Variants in ZNF804A observed in about 807,000 individuals in gnomAD.
ZNF804A encodes zinc finger protein 804A.
In ZNF804A, 2 loss-of-function variants were observed where a neutral mutation model predicts 16.5. That is an observed-to-expected ratio of 0.12 (90% CI 0.05 to 0.38). The LOEUF is 0.38. ZNF804A is among the 10% of genes least tolerant of loss of function. The pLI, the probability that ZNF804A is intolerant of heterozygous loss-of-function variation, is 0.99. For synonymous variants in ZNF804A, 534 were observed against 489.6 expected, an observed-to-expected ratio of 1.09 and a Z score of -1.20; for missense variants, 1,473 against 1,390.7, an observed-to-expected ratio of 1.06 and a Z score of -0.94.
At chr2:184,811,851 T>G (rs1574223723) in intron 1 of ZNF804A, among the ~76,000 whole-genome samples, 1 of 152,202 alleles carries the variant, frequency 6.6e-6, no homozygotes, top group Admixed American at 6.5e-5. Flanking sequence ...CAGTCAAACA[T>G]CATTTTAGGA....
intron 1 of ZNF804A, among the ~76,000 whole-genome samples, chr2:184,716,555 A>C (rs2105739757): frequency 6.6e-6 from 1 of 152,248 alleles, no homozygotes; most frequent in South Asian, 2.1e-4. Flanking sequence ...CACGATTTCT[A>C]GGCTTGTGGG....
At chr2:184,844,223 T>G (rs922047191) in intron 1 of ZNF804A, among the ~76,000 whole-genome samples, 2 of 151,660 alleles carry the variant, frequency 1.3e-5, no homozygotes, top group African/African-American at 4.8e-5. Flanking sequence ...CATTTATACA[T>G]ATGATATAAT....
At chr2:184,919,259 A>G (rs1022834842) in intron 2 of ZNF804A, among the ~76,000 whole-genome samples, 6 of 152,150 alleles carry the variant, frequency 3.9e-5, no homozygotes, top group Non-Finnish European at 7.4e-5. Flanking sequence ...AAGCCATCCA[A>G]TGTACTCAAC....
intron 2 of ZNF804A, among the ~76,000 whole-genome samples, chr2:184,919,874 G>C (rs774243380): frequency 1.3e-5 from 2 of 152,140 alleles, no homozygotes; most frequent in Non-Finnish European, 2.9e-5. Context: ...CCAGCACTTC[G>C]GGAGGCTGAG....
intron 1 of ZNF804A, among the ~76,000 whole-genome samples, chr2:184,640,712 A>G (rs890506268): frequency 2.0e-5 from 3 of 152,192 alleles, no homozygotes; most frequent in Non-Finnish European, 4.4e-5. Flanking sequence ...TATTCATTAT[A>G]TTAGAATAAA....
intron 1 of ZNF804A, among the ~76,000 whole-genome samples, chr2:184,778,166 G>T (rs1481151195): frequency 6.6e-6 from 1 of 151,366 alleles, no homozygotes; most frequent in Non-Finnish European, 1.5e-5. Context: ...TTCTTGCTTT[G>T]CTTTCCATTA....
At chr2:184,683,544 T>A (rs1012952404) in intron 1 of ZNF804A, among the ~76,000 whole-genome samples, 1 of 152,178 alleles carries the variant, frequency 6.6e-6, no homozygotes, top group South Asian at 2.1e-4. Flanking sequence ...GCCCCAAAGA[T>A]TGATTTTTCA....
chr2:184,676,901 TA>T (rs1322727851), intron 1 of ZNF804A, among the ~76,000 whole-genome samples: 3 of 151,752 alleles, frequency 2.0e-5, no homozygotes, highest in Admixed American at 6.6e-5. Context: ...AATATAAATG[TA>T]AATAGGTTCA....
intron 1 of ZNF804A, among the ~76,000 whole-genome samples, chr2:184,865,526 T>G (rs1159032068): frequency 6.6e-6 from 1 of 152,056 alleles, no homozygotes; most frequent in African/African-American, 2.4e-5. Flanking sequence ...TTGCCATTAT[T>G]TGTGACACTT....
chr2:184,821,449 A>G (rs914143918), intron 1 of ZNF804A, among the ~76,000 whole-genome samples: 1 of 152,106 alleles, frequency 6.6e-6, no homozygotes, highest in Non-Finnish European at 1.5e-5. Flanking sequence ...AAAACTCCAA[A>G]CCATAAAAAC....
At chr2:184,776,833 A>G (rs1002204522) in intron 1 of ZNF804A, among the ~76,000 whole-genome samples, 1 of 151,536 alleles carries the variant, frequency 6.6e-6, no homozygotes, top group Non-Finnish European at 1.5e-5. Context: ...ACTGGTTTGA[A>G]CATCTCACTG....
chr2:184,817,904 C>A (rs1041160717), intron 1 of ZNF804A, among the ~76,000 whole-genome samples: 1 of 151,872 alleles, frequency 6.6e-6, no homozygotes, highest in African/African-American at 2.4e-5. Context: ...AAATAAGGGA[C>A]TATGTAAAAT....
chr2:184,785,089 A>G (rs1368084563), intron 1 of ZNF804A, among the ~76,000 whole-genome samples: 3 of 152,100 alleles, frequency 2.0e-5, no homozygotes, highest in Non-Finnish European at 4.4e-5. Context: ...TCCATGTGGC[A>G]TTGAGCTAGT....
intron 1 of ZNF804A, among the ~76,000 whole-genome samples, chr2:184,693,929 C>CTTTTTT (rs34131171): frequency 8.2e-6 from 1 of 121,224 alleles, no homozygotes; most frequent in African/African-American, 3.1e-5. Context: ...CTAACTTAGT[C>CTTTTTT]TTTTTTTTTT....
At chr2:184,877,079 A>G (rs1273989311) in intron 2 of ZNF804A, among the ~76,000 whole-genome samples, 1 of 152,058 alleles carries the variant, frequency 6.6e-6, no homozygotes, top group East Asian at 1.9e-4. Context: ...TATTTTAATA[A>G]CCATTTATTA....
In ZNF804A at chr2:184,938,145, T is replaced by G; in HGVS notation, c.2749T>G (p.Ser917Ala). ...LSDVSNDPTT[S>A]VCVASAPTKE... Reference sequence around the variant, plus strand: ...AGATGTTTCCAATGATCCCACCACATCTGTCTGTGTAGCTAGTGCCCCAAC... The same window carrying G: ...AGATGTTTCCAATGATCCCACCACAGCTGTCTGTGTAGCTAGTGCCCCAAC... The change falls in exon 4 of 4, where the codon TCT (serine) becomes GCT (alanine). Residue 917 changes from serine to alanine, a missense_variant. Ser to Ala is a moderately conservative substitution (Grantham distance 99). Coordinates refer to ENST00000302277, the MANE Select transcript of ZNF804A (RefSeq NM_194250.2). The G allele has an allele frequency of 6.2e-7, 1 of 1,614,146 alleles. No homozygotes were observed. Among genetic ancestry groups the G allele is most frequent in the Non-Finnish European group, 8.5e-7 (1 of 1,180,030 alleles).
intron 2 of ZNF804A, among the ~76,000 whole-genome samples, chr2:184,867,854 T>C (rs2105811962): frequency 6.6e-6 from 1 of 152,244 alleles, no homozygotes; most frequent in Admixed American, 6.5e-5. Context: ...ATTTTTCCTA[T>C]GTATCTAAAA....
rs550068480 is a variant in ZNF804A, at chr2:184,790,948, G to T, written c.112-75421G>T. On this transcript the variant is annotated intron_variant, in intron 1 of 3. Coordinates refer to ENST00000302277, the MANE Select transcript of ZNF804A (RefSeq NM_194250.2). Reference sequence around the variant, plus strand: ...AATGCCCTTCTTTGTCTTTTTCTCCGTGTTGTTGATATAAAGTCTGTTTTA... The same window carrying T: ...AATGCCCTTCTTTGTCTTTTTCTCCTTGTTGTTGATATAAAGTCTGTTTTA... Among the ~76,000 whole-genome samples the T allele has an allele frequency of 2.6e-5, 4 of 152,112 alleles. No homozygotes were observed. In the South Asian group the frequency reaches 6.2e-4, roughly 24 times the overall value.
At chr2:184,634,475 A>T (rs1691663413) in intron 1 of ZNF804A, among the ~76,000 whole-genome samples, 1 of 152,068 alleles carries the variant, frequency 6.6e-6, no homozygotes, top group African/African-American at 2.4e-5. Flanking sequence ...AATCACAAGG[A>T]TCCTTATAGG....
Sources: allele counts gnomAD v4.1 joint callset (sites outside exome capture counted in the v4.1 genomes callset), GRCh38; gene constraint gnomAD v4.1.1; transcripts MANE v1.5; gene names NCBI Gene and HGNC (gene_info 2026-07-23, HGNC 2026-07-21).